Variants in PRELID1 observed in about 807,000 individuals in gnomAD.
The protein encoded by PRELID1 is PRELI domain containing 1.
PRELID1 carries 15 observed loss-of-function variants against 29.0 expected under a neutral mutation model. That is an observed-to-expected ratio of 0.52 (90% CI 0.35 to 0.80). The LOEUF is 0.80. Among genes scored for constraint, PRELID1 ranks in the 30% least tolerant of loss-of-function variants. The pLI is 0.01. For missense variants in PRELID1, 187 were observed against 275.9 expected (o/e 0.68, Z 2.28); for synonymous variants, 79 against 106.5 (o/e 0.74, Z 1.59).
rs531296485 is a variant in PRELID1, at chr5:177,306,410, C to G, written c.512-12C>G. The G allele has an allele frequency of 6.2e-7, 1 of 1,613,966 alleles. No homozygotes were observed. The highest frequency in any genetic ancestry group is 1.1e-5 in the South Asian group (1 of 91,036). On this transcript the variant is annotated splice_polypyrimidine_tract_variant and intron_variant, in intron 4 of 4. Coordinates refer to ENST00000303204, the MANE Select transcript of PRELID1 (RefSeq NM_013237.4). ...GCATCTTCTAAAGGCAGCCACCTGC[C>G]GTTCGCGACAGGCGAGGCCCCTTCC...
chr5:177,304,998 A>C (rs1760823911), intron 2 of PRELID1, 148 bp downstream of exon 2: 1 of 726,544 alleles, frequency 1.4e-6, no homozygotes, highest in African/African-American at 1.8e-5. Flanking sequence ...ACAGCTGTAG[A>C]GTATGACCTC....
At chr5:177,304,894 T>C (rs1472941882) in intron 2 of PRELID1, 44 bp downstream of exon 2, 4 of 1,436,674 alleles carry the variant, frequency 2.8e-6, no homozygotes, top group Admixed American at 2.0e-5. Flanking sequence ...CCCTCTCCCC[T>C]CCCCCCGAGA....
In PRELID1 at chr5:177,306,654, A is replaced by G; in HGVS notation, c.*84A>G. The G allele has an allele frequency of 1.3e-6, 2 of 1,520,070 alleles. No homozygotes were observed. Among genetic ancestry groups the G allele is most frequent in the Non-Finnish European group, 8.9e-7 (1 of 1,126,282 alleles). The allele number at this position is 1,520,070 out of a possible 1,614,324, so 94.2% of individuals were successfully genotyped here. A position where few individuals can be genotyped will look rare whatever the true frequency, so the allele number is the denominator to read the frequency against. Reference sequence around the variant, plus strand: ...TCATTGTACTTTATCATTAAAAATCAACTTCCAGCCCTGTCTGCTGTCTAC... The same window carrying G: ...TCATTGTACTTTATCATTAAAAATCGACTTCCAGCCCTGTCTGCTGTCTAC... On this transcript the variant is annotated 3_prime_UTR_variant, in exon 5 of 5. Transcript: ENST00000303204.
At chr5:177,304,906 A>G in intron 2 of PRELID1, 56 bp downstream of exon 2, 1 of 1,458,670 alleles carries the variant, frequency 6.9e-7, no homozygotes. Context: ...CCCCCGAGAT[A>G]GAGAGCTCCT....
rs568634264 is a variant in PRELID1, at chr5:177,306,650, A to C, written c.*80A>C. The stretch of plus-strand genomic sequence containing the variant: ...CCCTTCATTGTACTTTATCATTAAA[A>C]ATCAACTTCCAGCCCTGTCTGCTGT... On this transcript the variant is annotated 3_prime_UTR_variant, in exon 5 of 5. Coordinates refer to ENST00000303204, the MANE Select transcript of PRELID1 (RefSeq NM_013237.4). 3.3e-5 allele frequency: 51 copies of C among 1,527,450 alleles called. No homozygotes were observed. In the African/African-American group the frequency reaches 6.8e-4, roughly 20 times the overall value. The allele number at this position is 1,527,450 out of a possible 1,614,324, so 94.6% of individuals were successfully genotyped here.
chr5:177,305,669 G>A (rs901865731), intron 2 of PRELID1: 15 of 583,582 alleles, frequency 2.6e-5, no homozygotes, highest in South Asian at 1.0e-4. Context: ...TCTAGTTTAA[G>A]AGTCAGAAGA....
chr5:177,305,308 G>C (rs922372670), intron 2 of PRELID1, among the ~76,000 whole-genome samples: 10 of 151,942 alleles, frequency 6.6e-5, no homozygotes, highest in African/African-American at 2.4e-4. Context: ...CTGGGTTTAA[G>C]CAATTCTCGT....
chr5:177,304,960 G>T (rs924894803), intron 2 of PRELID1, 110 bp downstream of exon 2: 3 of 1,098,884 alleles, frequency 2.7e-6, no homozygotes, highest in East Asian at 2.6e-5. Context: ...TTTTGTGGCC[G>T]GAGGCAGGTC....
In PRELID1 at chr5:177,306,160, C is replaced by A; in HGVS notation, c.495C>A (p.Ile165=). ...VTKTMKGFEY[I]LAKLQGEAPS... ...AGACTATGAAGGGTTTTGAATATAT[C>A]TTGGCTAAGCTGCAAGGTGAGTTTC... Residue 165 remains isoleucine, a synonymous_variant, in exon 4 of 5, where the codon ATC becomes ATA. Transcript: ENST00000303204. The A allele has an allele frequency of 2.5e-6, 4 of 1,613,720 alleles. No homozygotes were observed. The highest frequency in any genetic ancestry group is 3.4e-6 in the Non-Finnish European group (4 of 1,179,666).
In PRELID1 at chr5:177,306,114, G is replaced by T. The variant is rs555396821; in HGVS notation, c.449G>T (p.Arg150Leu). The T allele has an allele frequency of 1.9e-6, 3 of 1,613,494 alleles. No homozygotes were observed. The highest frequency in any genetic ancestry group is 2.5e-6 in the Non-Finnish European group (3 of 1,179,438). The change falls in exon 4 of 5, where the codon CGA becomes CTA. Residue 150 changes from arginine (R) to leucine (L), a missense_variant. By Grantham distance (102) the Arg-to-Leu change is moderately radical. Transcript: ENST00000303204. ...TCATGCCAGGAATTTGGTCTTGCCC[G>T]ATTCAAAAGCAACGTGACCAAGACT... ...SRAVQEFGLARFKSNVTKTMK... is the reference protein window; with the variant it reads ...SRAVQEFGLALFKSNVTKTMK...
At chr5:177,304,133 T>G in intron 1 of PRELID1, 56 bp downstream of exon 1, 4 of 1,493,214 alleles carry the variant, frequency 2.7e-6, no homozygotes, top group Non-Finnish European at 3.7e-6. Flanking sequence ...GAGATCGAAT[T>G]ATGGGTAACC....
chr5:177,305,364 G>T, intron 2 of PRELID1: 1 of 193,890 alleles, frequency 5.2e-6, no homozygotes, highest in Non-Finnish European at 1.1e-5. Context: ...ACACCACCAC[G>T]CCTGGCTAAT....
chr5:177,306,906 T>C lies in PRELID1; in HGVS notation c.*336T>C, dbSNP rs185277044. ...GGTTTTGTTCTCTGATGTGTCTCAG[T>C]ATCTAGCACATAATAGACACTCAAT... On this transcript the variant is annotated 3_prime_UTR_variant, in exon 5 of 5. Coordinates refer to ENST00000303204, the MANE Select transcript of PRELID1 (RefSeq NM_013237.4). 42 of 765,072 alleles carry C rather than the reference T, an allele frequency of 5.5e-5. No individual in the cohort carries two copies. The African/African-American group carries it at 6.1e-4, about 11-fold the overall frequency. The allele number at this position is 765,072 out of a possible 1,614,324, so 47.4% of individuals were successfully genotyped here.
rs187617178 is a variant in PRELID1, at chr5:177,306,342, G to C, written c.512-80G>C. Reference sequence around the variant, plus strand: ...CTTTTTAGTGGAGCCTGGCCCAGAGGAGATTGGTGTCATGGGGGAGGGAAA... The same window carrying C: ...CTTTTTAGTGGAGCCTGGCCCAGAGCAGATTGGTGTCATGGGGGAGGGAAA... On this transcript the variant is annotated intron_variant, in intron 4 of 4. Coordinates refer to ENST00000303204, the MANE Select transcript of PRELID1 (RefSeq NM_013237.4). 2.9e-5 allele frequency: 46 copies of C among 1,601,868 alleles called. No homozygotes were observed. In the South Asian group the frequency reaches 4.8e-4, roughly 17 times the overall value.
chr5:177,304,007 C>G lies in PRELID1; in HGVS notation c.22C>G (p.Gln8Glu). MVKYFLG[Q>E]SVLRSSWDQV... ...GACGATGGTGAAGTATTTCCTGGGCCAGAGCGTGCTCCGGAGTTCCTGGGA... is the reference window on the plus strand; with the variant it reads ...GACGATGGTGAAGTATTTCCTGGGCGAGAGCGTGCTCCGGAGTTCCTGGGA... The change falls in exon 1 of 5, where the codon CAG (glutamine) becomes GAG (glutamate). Residue 8 changes from glutamine to glutamate, a missense_variant. Gln to Glu is a conservative substitution (Grantham distance 29, BLOSUM62 2). Coordinates refer to ENST00000303204, the MANE Select transcript of PRELID1 (RefSeq NM_013237.4). 1 of 1,611,592 alleles carries G rather than the reference C, an allele frequency of 6.2e-7. No homozygotes were observed. The highest frequency in any genetic ancestry group is 8.5e-7 in the Non-Finnish European group (1 of 1,179,924).
Position 177,306,796 on chromosome 5 carries a change from C to T in PRELID1, c.*226C>T, listed in dbSNP as rs537147510. 19 of 816,502 alleles carry T rather than the reference C, an allele frequency of 2.3e-5. No homozygotes were observed. Among genetic ancestry groups the T allele is most frequent in the Admixed American group, 5.8e-5 (2 of 34,232 alleles). The allele number at this position is 816,502 out of a possible 1,614,324, so 50.6% of individuals were successfully genotyped here. On this transcript the variant is annotated 3_prime_UTR_variant, in exon 5 of 5. Coordinates refer to ENST00000303204, the MANE Select transcript of PRELID1 (RefSeq NM_013237.4). ...AGCTGAGGACCGAGGCACAGAGGTG[C>T]GGTGACTTGCCCGGGGCTCCAGGTA... is the stretch of plus-strand genomic sequence containing the variant.
intron 1 of PRELID1, 138 bp downstream of exon 1, chr5:177,304,215 A>T: frequency 1.2e-6 from 1 of 828,686 alleles, no homozygotes; most frequent in Non-Finnish European, 1.9e-6. Context: ...CGGCCAGGCC[A>T]GGCCTGCAAG....
intron 2 of PRELID1, among the ~76,000 whole-genome samples, chr5:177,305,238 A>G (rs1453074933): frequency 6.6e-6 from 1 of 151,478 alleles, no homozygotes; most frequent in African/African-American, 2.4e-5. Context: ...TCTGGTGACA[A>G]GAGTCTCACC....
intron 2 of PRELID1, 33 bp downstream of exon 2, chr5:177,304,883 C>G (rs773366540): frequency 1.3e-6 from 2 of 1,514,472 alleles, no homozygotes; most frequent in Non-Finnish European, 1.8e-6. Flanking sequence ...TCTGCACCTC[C>G]CCCTCTCCCC....
Sources: gnomAD v4.1 joint callset for allele counts (sites outside exome capture counted in the v4.1 genomes callset) on GRCh38, gnomAD v4.1.1 for gene constraint, MANE v1.5 for transcripts, NCBI Gene and HGNC (gene_info 2026-07-23, HGNC 2026-07-21) for gene names.